Variants in FCHO2 observed in about 807,000 individuals in gnomAD.
FCHO2 encodes F-BAR domain only protein 2.
A neutral mutation model predicts 114.1 loss-of-function variants in FCHO2; 43 were observed. The observed-to-expected ratio is 0.38, with a 90% CI of 0.30 to 0.49. The LOEUF is 0.49. Ranked by LOEUF, FCHO2 falls within the 20% of genes least tolerant of loss-of-function variation. The pLI, the probability that FCHO2 is intolerant of heterozygous loss-of-function variation, is 0.97. For missense variants in FCHO2, 807 were observed against 950.4 expected (o/e 0.85, Z 1.98); for synonymous variants, 293 against 315.2 (o/e 0.93, Z 0.75).
At chr5:73,026,668 A>C (rs1003942596) in intron 8 of FCHO2, among the ~76,000 whole-genome samples, 1 of 151,898 alleles carries the variant, frequency 6.6e-6, no homozygotes, top group African/African-American at 2.4e-5. Flanking sequence ...GTATGTACTG[A>C]CACTTTTTGT....
chr5:72,984,360 T>C (rs1434773921), intron 2 of FCHO2, among the ~76,000 whole-genome samples: 1 of 152,218 alleles, frequency 6.6e-6, no homozygotes, highest in Non-Finnish European at 1.5e-5. Flanking sequence ...CTAAGTGTAC[T>C]TGTTAGGTTT....
At chr5:72,993,395 T>C (rs755953982) in intron 5 of FCHO2, among the ~76,000 whole-genome samples, 2 of 152,086 alleles carry the variant, frequency 1.3e-5, no homozygotes, top group Non-Finnish European at 2.9e-5. Context: ...CTAATACTAA[T>C]TTCAGAAGGA....
intron 8 of FCHO2, chr5:73,021,026 A>G: frequency 8.1e-7 from 1 of 1,238,406 alleles, no homozygotes; most frequent in Non-Finnish European, 1.2e-6. Flanking sequence ...AAATGAGCCA[A>G]AGTTCACATG....
intron 17 of FCHO2, among the ~76,000 whole-genome samples, chr5:73,063,039 G>A (rs1258865170): frequency 6.6e-6 from 1 of 151,966 alleles, no homozygotes; most frequent in Admixed American, 6.6e-5. Context: ...TATTAAACAT[G>A]ATTTTAAAGA....
Position 73,054,146 on chromosome 5 carries a change from C to G in FCHO2, c.1174-14C>G. 6.7e-7 allele frequency: 1 copy of G among 1,499,060 alleles called. No individual in the cohort carries two copies. The highest frequency in any genetic ancestry group is 2.5e-5 in the East Asian group (1 of 40,750). The allele number at this position is 1,499,060 out of a possible 1,614,324, so 92.9% of individuals were successfully genotyped here. ...ATTCTAACCTAATTTTCTTTTTCTT[C>G]CATGTACTACTAGAGACACAGTCCA... On this transcript the variant is annotated splice_polypyrimidine_tract_variant and intron_variant, in intron 13 of 25. Coordinates refer to ENST00000430046, the MANE Select transcript of FCHO2 (RefSeq NM_138782.3).
At chr5:73,047,161 T>C (rs753027578) in intron 11 of FCHO2, among the ~76,000 whole-genome samples, 2 of 149,752 alleles carry the variant, frequency 1.3e-5, no homozygotes, top group Non-Finnish European at 2.9e-5. Flanking sequence ...CTCTCTCTGT[T>C]TGTGCATGTG....
intron 11 of FCHO2, among the ~76,000 whole-genome samples, chr5:73,045,219 A>G (rs1456022448): frequency 6.6e-6 from 1 of 152,166 alleles, no homozygotes; most frequent in Non-Finnish European, 1.5e-5. Context: ...CATTAGCACA[A>G]CAATCTCTCA....
rs1473738120 is a variant in FCHO2, at chr5:73,054,166, A to G, written c.1180A>G (p.Ser394Gly). 1.5e-5 allele frequency: 23 copies of G among 1,521,504 alleles called. No homozygotes were observed. In the East Asian group the frequency reaches 3.4e-4, roughly 22 times the overall value. The allele number at this position is 1,521,504 out of a possible 1,614,324, so 94.3% of individuals were successfully genotyped here. A position where few individuals can be genotyped will look rare whatever the true frequency, so the allele number is the denominator to read the frequency against. ...ITLSPAISRH[S>G]PVQMNRNLSN... ...TTCTTCCATGTACTACTAGAGACAC[A>G]GTCCAGTAAGTACAAGATTTTATAT... The change falls in exon 14 of 26, where the codon AGT (serine) becomes GGT (glycine). Residue 394 changes from serine (S) to glycine (G), a missense_variant. Physicochemically the swap from Ser to Gly is moderately conservative, Grantham distance 56. Coordinates refer to ENST00000430046, the MANE Select transcript of FCHO2 (RefSeq NM_138782.3).
intron 19 of FCHO2, among the ~76,000 whole-genome samples, chr5:73,070,752 A>G (rs1294072966): frequency 6.6e-6 from 1 of 152,042 alleles, no homozygotes; most frequent in Non-Finnish European, 1.5e-5. Context: ...ATTTTATACA[A>G]CAAAGATTTT....
chr5:72,989,845 T>C (rs1045162574), intron 3 of FCHO2, among the ~76,000 whole-genome samples: 1 of 152,134 alleles, frequency 6.6e-6, no homozygotes, highest in Non-Finnish European at 1.5e-5. Context: ...CAGTGATCTT[T>C]AAAAACTCAC....
chr5:73,022,407 G>T (rs1430008782), intron 8 of FCHO2, among the ~76,000 whole-genome samples: 2 of 152,072 alleles, frequency 1.3e-5, no homozygotes, highest in East Asian at 3.9e-4. Context: ...TCTTTTCCCT[G>T]ATGCAATTTT....
intron 10 of FCHO2, among the ~76,000 whole-genome samples, chr5:73,039,294 C>A (rs112754468): frequency 5.3e-5 from 8 of 152,310 alleles, no homozygotes; most frequent in African/African-American, 1.9e-4. Context: ...GGAGCTTCAT[C>A]TGCAGGTGTC....
chr5:72,964,458 T>C (rs1311880185), intron 1 of FCHO2, among the ~76,000 whole-genome samples: 1 of 152,124 alleles, frequency 6.6e-6, no homozygotes, highest in Non-Finnish European at 1.5e-5. Context: ...TGATCTCAGC[T>C]CTGCAACCTC....
At chr5:72,959,779 CTT>C (rs972805765) in intron 1 of FCHO2, among the ~76,000 whole-genome samples, 7 of 145,102 alleles carry the variant, frequency 4.8e-5, no homozygotes, top group African/African-American at 7.6e-5. Flanking sequence ...TCTCTTCTTT[CTT>C]TTTTTTTTTT....
chr5:73,089,121 A>C lies in FCHO2; in HGVS notation c.*1031A>C, dbSNP rs1281862948. 1 of 152,610 alleles carries C rather than the reference A, an allele frequency of 6.6e-6. No homozygotes were observed. Among genetic ancestry groups the C allele is most frequent in the African/African-American group, 2.4e-5 (1 of 41,458 alleles). 9.5% of individuals were successfully genotyped at this position (152,610 alleles called of 1,614,324 possible). On this transcript the variant is annotated 3_prime_UTR_variant, in exon 26 of 26. Transcript: ENST00000430046. ...GAAATAAACCCAATGGCATGTGTTT[A>C]CAGGAAGAAAGATTACCTTCAGATA...
chr5:72,998,393 A>G (rs1754244395), intron 5 of FCHO2, among the ~76,000 whole-genome samples: 1 of 151,982 alleles, frequency 6.6e-6, no homozygotes, highest in Non-Finnish European at 1.5e-5. Context: ...AGGCTGAGGC[A>G]GGAGAATGGC....
intron 6 of FCHO2, among the ~76,000 whole-genome samples, chr5:73,015,038 T>C (rs1755226612): frequency 1.6e-5 from 2 of 126,892 alleles, no homozygotes; most frequent in East Asian, 2.4e-4. Context: ...ATGGTGCCAC[T>C]GCACTCCAGC....
At chr5:73,006,729 A>G (rs1450914286) in intron 6 of FCHO2, among the ~76,000 whole-genome samples, 180 bp downstream of exon 6, 1 of 152,216 alleles carries the variant, frequency 6.6e-6, no homozygotes, top group East Asian at 1.9e-4. Flanking sequence ...AGATGCAATA[A>G]TTATAATGTC....
At chr5:73,031,493 A>G (rs975667995) in intron 8 of FCHO2, among the ~76,000 whole-genome samples, 17 of 152,200 alleles carry the variant, frequency 1.1e-4, no homozygotes, top group Non-Finnish European at 5.9e-5. Flanking sequence ...AATATTTCAC[A>G]TATTTTGTAC....
Sources: allele counts gnomAD v4.1 joint callset (sites outside exome capture counted in the v4.1 genomes callset), GRCh38; gene constraint gnomAD v4.1.1; transcripts MANE v1.5; gene names NCBI Gene and HGNC (gene_info 2026-07-23, HGNC 2026-07-21).